The following SPTBN1 variants were observed in gnomAD, a reference collection of about 807,000 sequenced individuals.
SPTBN1 encodes the protein spectrin beta chain, non-erythrocytic 1.
In SPTBN1, 32 loss-of-function variants were observed where a neutral mutation model predicts 266.4. The ratio of observed to expected loss-of-function variants is 0.12; its 90% CI spans 0.09 to 0.16. The LOEUF (loss-of-function observed/expected upper bound fraction) is 0.16. SPTBN1 is among the 10% of genes least tolerant of loss of function. The probability of loss-of-function intolerance (pLI) is 1.00; values close to 1 mark genes in which losing one functional copy is unlikely to be tolerated. For missense variants in SPTBN1, 2,296 were observed against 3,067.1 expected, an observed-to-expected ratio of 0.75 and a Z score of 5.94; for synonymous variants, 1,336 against 1,162.2, an observed-to-expected ratio of 1.15 and a Z score of -3.04.
At chr2:54,459,499 TA>T (rs1482092379) in intron 1 of SPTBN1, among the ~76,000 whole-genome samples, 1 of 152,228 alleles carries the variant, frequency 6.6e-6, no homozygotes. Flanking sequence ...TTACTACTGC[TA>T]ACATAGACAT....
chr2:54,478,477 A>C (rs1410340633), intron 1 of SPTBN1, among the ~76,000 whole-genome samples: 1 of 152,202 alleles, frequency 6.6e-6, no homozygotes, highest in African/African-American at 2.4e-5. Flanking sequence ...GTAGAGGATC[A>C]TAGAATTGGA....
At chr2:54,530,992 G>A (rs1671202849) in intron 2 of SPTBN1, among the ~76,000 whole-genome samples, 1 of 152,164 alleles carries the variant, frequency 6.6e-6, no homozygotes, top group South Asian at 2.1e-4. Flanking sequence ...CTCATCTGTG[G>A]GGGGAGTTGG....
Position 54,661,708 on chromosome 2 carries a change from G to T in SPTBN1, c.6420+1709G>T, listed in dbSNP as rs549827807. ...TCCAAGTTACATTTTGTGTTTCATT[G>T]ATCTATATGTATATATGTGATGTTT... On this transcript the variant is annotated intron_variant, in intron 32 of 35. Coordinates refer to ENST00000356805, the MANE Select transcript of SPTBN1 (RefSeq NM_003128.3). The T allele has an allele frequency of 2.6e-4, 254 of 985,650 alleles. 1 individual carries two copies. The African/African-American group carries it at 4.3e-3, about 17-fold the overall frequency. 61.1% of individuals were successfully genotyped at this position (985,650 alleles called of 1,614,324 possible). A position where few individuals can be genotyped will look rare whatever the true frequency, so the allele number is the denominator to read the frequency against.
At chr2:54,517,225 A>G (rs776322061) in intron 1 of SPTBN1, among the ~76,000 whole-genome samples, 3 of 152,016 alleles carry the variant, frequency 2.0e-5, no homozygotes, top group Non-Finnish European at 4.4e-5. Flanking sequence ...AAGAGGGCCC[A>G]TTCAGATGGT....
chr2:54,650,473 C>G (rs1398641862), intron 26 of SPTBN1, among the ~76,000 whole-genome samples: 1 of 152,174 alleles, frequency 6.6e-6, no homozygotes, highest in Admixed American at 6.5e-5. Flanking sequence ...AACAATATAA[C>G]AGAATCTAGT....
At chr2:54,598,916 G>C (rs1199970742) in intron 2 of SPTBN1, among the ~76,000 whole-genome samples, 176 bp from the exon 3 acceptor site, 1 of 152,236 alleles carries the variant, frequency 6.6e-6, no homozygotes, top group African/African-American at 2.4e-5. Context: ...TGAACCATCA[G>C]TAATCAGTGT....
In SPTBN1 at chr2:54,626,754, T is replaced by A. The variant is rs1318924573; in HGVS notation, c.1644+520T>A. ...CTTTAAATGGAGATTGTACTTACTA[T>A]CTACCTCATCCAATTATTGCAAGGA... is the stretch of plus-strand genomic sequence containing the variant. On this transcript the variant is annotated intron_variant, in intron 12 of 35. Coordinates refer to ENST00000356805, the MANE Select transcript of SPTBN1 (RefSeq NM_003128.3). This position sits in a 1 kb window ranked among gnomAD's most constrained non-coding sequence, Gnocchi z 4.7. 6.6e-6 allele frequency among the ~76,000 whole-genome samples: 1 copy of A among 152,210 alleles called. No homozygotes were observed. The highest frequency in any genetic ancestry group is 1.5e-5 in the Non-Finnish European group (1 of 68,038).
intron 1 of SPTBN1, among the ~76,000 whole-genome samples, chr2:54,476,102 A>G (rs1202234267): frequency 6.7e-6 from 1 of 149,764 alleles, no homozygotes; most frequent in Admixed American, 6.7e-5. Context: ...AGTAACAAAG[A>G]TCTCCAGAAT....
At chr2:54,488,269 C>G (rs943677107) in intron 1 of SPTBN1, among the ~76,000 whole-genome samples, 1 of 152,062 alleles carries the variant, frequency 6.6e-6, no homozygotes, top group African/African-American at 2.4e-5. Context: ...AATGAGGAAA[C>G]TGAGGACTAG....
At chr2:54,611,353 A>G (rs952419257) in intron 3 of SPTBN1, among the ~76,000 whole-genome samples, 1 of 152,190 alleles carries the variant, frequency 6.6e-6, no homozygotes, top group African/African-American at 2.4e-5. Context: ...TCAACTGTGT[A>G]TATTTACTAT....
chr2:54,668,249 T>C (rs1681505245), intron 35 of SPTBN1, 102 bp from the exon 36 acceptor site: 1 of 1,098,910 alleles, frequency 9.1e-7, no homozygotes, highest in Non-Finnish European at 1.4e-6. Flanking sequence ...GTGACTCTGC[T>C]TACCCCTCAG....
chr2:54,471,475 A>ATTTT (rs34044536), intron 1 of SPTBN1, among the ~76,000 whole-genome samples: 1 of 143,698 alleles, frequency 7.0e-6, no homozygotes, highest in Non-Finnish European at 1.5e-5. Context: ...TGGTGGTCTG[A>ATTTT]TTTTTTTTTT....
At chr2:54,517,892 C>A (rs1340419009) in intron 1 of SPTBN1, among the ~76,000 whole-genome samples, 14 of 151,318 alleles carry the variant, frequency 9.3e-5, no homozygotes. Flanking sequence ...GATCCGCCCG[C>A]CTCAGCCTCC....
At chr2:54,532,793 A>G (rs1050101300) in intron 2 of SPTBN1, among the ~76,000 whole-genome samples, 7 of 152,206 alleles carry the variant, frequency 4.6e-5, no homozygotes, top group African/African-American at 1.7e-4. Flanking sequence ...CAGTTACACA[A>G]TTTTTTAAAG....
chr2:54,630,060 C>G (rs1678630019), intron 15 of SPTBN1, 31 bp downstream of exon 15: 1 of 1,606,008 alleles, frequency 6.2e-7, no homozygotes, highest in Non-Finnish European at 8.5e-7. Flanking sequence ...GTGCCAGCCT[C>G]CCACGTGTGG....
At chr2:54,616,175 C>T (rs1045435246) in intron 4 of SPTBN1, 32 bp from the exon 5 acceptor site, 2 of 1,596,032 alleles carry the variant, frequency 1.3e-6, no homozygotes, top group African/African-American at 1.3e-5. Context: ...GCTGACCCAT[C>T]TATTTGTCTA....
Position 54,645,514 on chromosome 2 carries a change from C to G in SPTBN1, c.4494+61C>G. 1 of 1,549,300 alleles carries G rather than the reference C, an allele frequency of 6.5e-7. No individual in the cohort carries two copies. The highest frequency in any genetic ancestry group is 2.0e-4 in the Middle Eastern group (1 of 5,032). ...CGAGCCCCCTTGCCTGTGCTAAAGC[C>G]CACATTCTCACTTCTCAGTCATCCT... On this transcript the variant is annotated intron_variant, in intron 21 of 35. Coordinates refer to ENST00000356805, the MANE Select transcript of SPTBN1 (RefSeq NM_003128.3). The surrounding 1 kb of genome is among the most constrained non-coding windows in gnomAD (Gnocchi z 4.3).
chr2:54,646,563 A>T lies in SPTBN1; in HGVS notation c.4866+88A>T, dbSNP rs1003105470. 1 of 1,396,052 alleles carries T rather than the reference A, an allele frequency of 7.2e-7. No individual in the cohort carries two copies. The highest frequency in any genetic ancestry group is 9.4e-7 in the Non-Finnish European group (1 of 1,069,198). 86.5% of individuals were successfully genotyped at this position (1,396,052 alleles called of 1,614,324 possible). On this transcript the variant is annotated intron_variant, in intron 23 of 35. Coordinates refer to ENST00000356805, the MANE Select transcript of SPTBN1 (RefSeq NM_003128.3). The surrounding 1 kb of genome is among the most constrained non-coding windows in gnomAD (Gnocchi z 4.4). ...TTTCTGCTGGCGGCTCTGTCTGTATAAAAACTTCCCTTGTAGCCTTTGAGT... is the reference window on the plus strand; with the variant it reads ...TTTCTGCTGGCGGCTCTGTCTGTATTAAAACTTCCCTTGTAGCCTTTGAGT...
At chr2:54,665,427 T>G (rs190211769) in intron 33 of SPTBN1, among the ~76,000 whole-genome samples, 112 of 152,328 alleles carry the variant, frequency 7.4e-4, no homozygotes, top group African/African-American at 2.6e-3. Context: ...GCCACTTTAT[T>G]CTAATTCACC....
Sources: allele counts gnomAD v4.1 joint callset (sites outside exome capture counted in the v4.1 genomes callset), GRCh38; gene constraint gnomAD v4.1.1; non-coding constraint Gnocchi (gnomAD v3.1); transcripts MANE v1.5; gene names NCBI Gene and HGNC (gene_info 2026-07-23, HGNC 2026-07-21).